SPRY3: variants seen among roughly 807,000 people sequenced by gnomAD.
SPRY3 encodes the protein protein sprouty homolog 3.
SPRY3 carries 15 observed loss-of-function variants against 20.2 expected under a neutral mutation model. The ratio of observed to expected loss-of-function variants is 0.74; its 90% CI spans 0.50 to 1.14. The LOEUF (loss-of-function observed/expected upper bound fraction) is 1.14. SPRY3 is among the 50% of genes most tolerant of loss of function. SPRY3 has a pLI of 0.00. For missense variants in SPRY3, 364 were observed against 363.9 expected, an observed-to-expected ratio of 1.00 and a Z score of 0.00; for synonymous variants, 143 against 136.5, an observed-to-expected ratio of 1.05 and a Z score of -0.33.
At chrX:155,624,503 A>G (rs2067881269) in intron 1 of SPRY3, among the ~76,000 whole-genome samples, 1 of 95,712 alleles carries the variant, frequency 1.0e-5, no homozygotes, top group South Asian at 5.3e-4. Flanking sequence ...TGCATCTATC[A>G]TCTATTTATC....
chrX:155,632,306 G>A (rs1467757714), intron 1 of SPRY3, among the ~76,000 whole-genome samples: 1 of 110,286 alleles, frequency 9.1e-6, no homozygotes, highest in Non-Finnish European at 1.9e-5. Flanking sequence ...CTAAGGTTTT[G>A]AGAAATATAT....
At chrX:155,755,747 C>G (rs1439630666) in intron 2 of SPRY3, among the ~76,000 whole-genome samples, 1 of 152,056 alleles carries the variant, frequency 6.6e-6, no homozygotes, top group Admixed American at 6.6e-5. Flanking sequence ...AGCCTTTGGG[C>G]ATCTGCTTTT....
chrX:155,663,389 T>C (rs2068015939), intron 2 of SPRY3, among the ~76,000 whole-genome samples: 2 of 111,545 alleles, frequency 1.8e-5, no homozygotes, highest in African/African-American at 6.5e-5. Flanking sequence ...GTCTGAAATA[T>C]AAATATACTA....
At chrX:155,775,088 G>C (rs759019880) in exon 4 of SPRY3, 26 of 338,188 alleles carry the variant, frequency 7.7e-5, no homozygotes, top group Middle Eastern at 8.8e-4. Context: ...CTCGATGCAG[G>C]CTCTGATCGT....
chrX:155,762,666 C>T (rs1211592388), intron 2 of SPRY3, among the ~76,000 whole-genome samples: 1 of 152,094 alleles, frequency 6.6e-6, no homozygotes, highest in Non-Finnish European at 1.5e-5. Flanking sequence ...GTTGGTCTCA[C>T]ACCAGTCCGA....
intron 2 of SPRY3, among the ~76,000 whole-genome samples, chrX:155,722,230 A>G (rs2091064193): frequency 6.6e-6 from 1 of 152,162 alleles, no homozygotes. Flanking sequence ...ATACACTAAA[A>G]ATAAAAGCAT....
intron 2 of SPRY3, among the ~76,000 whole-genome samples, chrX:155,662,835 G>C (rs2068014626): frequency 9.0e-6 from 1 of 111,290 alleles, no homozygotes; most frequent in African/African-American, 3.3e-5. Flanking sequence ...TGGAAAAGTG[G>C]AAGAAGTTCA....
chrX:155,745,678 C>A (rs1602983597), intron 2 of SPRY3, among the ~76,000 whole-genome samples: 1 of 152,014 alleles, frequency 6.6e-6, no homozygotes, highest in Admixed American at 6.6e-5. Context: ...TCAAATTCCC[C>A]ATCTGCACAT....
intron 2 of SPRY3, among the ~76,000 whole-genome samples, chrX:155,689,730 T>G (rs2068098068): frequency 1.2e-5 from 1 of 85,641 alleles, no homozygotes; most frequent in Admixed American, 1.3e-4. Context: ...TTAGTCTAGC[T>G]GACAGTCTAT....
chrX:155,759,534 T>C (rs2091296138), intron 2 of SPRY3, among the ~76,000 whole-genome samples: 1 of 152,012 alleles, frequency 6.6e-6, no homozygotes, highest in Admixed American at 6.6e-5. Context: ...TATCGCTATA[T>C]ATATATCTAT....
intron 2 of SPRY3, among the ~76,000 whole-genome samples, chrX:155,757,883 T>C (rs2091289396): frequency 6.6e-6 from 1 of 152,190 alleles, no homozygotes; most frequent in Non-Finnish European, 1.5e-5. Context: ...GTGGATTGGA[T>C]AAACAAGTAT....
intron 1 of SPRY3, among the ~76,000 whole-genome samples, chrX:155,627,476 T>C (rs1163785655): frequency 8.9e-6 from 1 of 111,850 alleles, no homozygotes; most frequent in Non-Finnish European, 1.9e-5. Context: ...TATATGCCAC[T>C]TTTTAAATCC....
intron 1 of SPRY3, among the ~76,000 whole-genome samples, chrX:155,631,976 G>C (rs1557350557): frequency 9.0e-6 from 1 of 110,935 alleles, no homozygotes; most frequent in African/African-American, 3.3e-5. Context: ...AATTATTATT[G>C]ACAAAGTTAT....
rs184152353 is a variant in SPRY3, at chrX:155,683,298, C to T, written c.-282+26273C>T. Among the ~76,000 whole-genome samples, 4 of 111,385 alleles carry T rather than the reference C, an allele frequency of 3.6e-5. No homozygotes were observed. The East Asian group carries it at 8.5e-4, about 24-fold the overall frequency. On this transcript the variant is annotated intron_variant, in intron 2 of 3. Transcript: ENST00000675360. ...AATATTTGTGAAAGGAAGAGTCGGT[C>T]GAGTGGGCAAATGTCATTGTTGTCT... is the stretch of plus-strand genomic sequence containing the variant.
intron 3 of SPRY3, among the ~76,000 whole-genome samples, chrX:155,771,156 C>G (rs1043991089): frequency 5.3e-5 from 8 of 152,166 alleles, no homozygotes; most frequent in African/African-American, 1.9e-4. Context: ...CCAAGCATCT[C>G]AATTTATCAG....
intron 2 of SPRY3, among the ~76,000 whole-genome samples, chrX:155,731,081 C>A (rs780830535): frequency 6.6e-6 from 1 of 152,170 alleles, no homozygotes; most frequent in South Asian, 2.1e-4. Context: ...AATGTCCATA[C>A]TACCCAAAGC....
At chrX:155,719,866 C>T (rs773548055) in intron 2 of SPRY3, among the ~76,000 whole-genome samples, 1 of 152,180 alleles carries the variant, frequency 6.6e-6, no homozygotes, top group Admixed American at 6.5e-5. Flanking sequence ...TCAAGACATT[C>T]CCGGCTGTGG....
intron 2 of SPRY3, among the ~76,000 whole-genome samples, chrX:155,756,941 C>G (rs934502254): frequency 6.6e-6 from 1 of 152,150 alleles, no homozygotes; most frequent in African/African-American, 2.4e-5. Flanking sequence ...ATCACTTCCA[C>G]TATTACCACT....
exon 4 of SPRY3, chrX:155,775,773 A>G (rs2091421528): frequency 6.0e-6 from 1 of 167,120 alleles, no homozygotes; most frequent in Non-Finnish European, 1.5e-5. Flanking sequence ...GACGTGCTTT[A>G]TAGCTAAATG....
Sources: allele counts gnomAD v4.1 joint callset (sites outside exome capture counted in the v4.1 genomes callset), GRCh38; gene constraint gnomAD v4.1.1; transcripts MANE v1.5; gene names NCBI Gene and HGNC (gene_info 2026-07-23, HGNC 2026-07-21).